The following STIM2 variants were observed in gnomAD, a reference collection of about 807,000 sequenced individuals.
STIM2 encodes the protein stromal interaction molecule 2.
STIM2 carries 31 observed loss-of-function variants against 85.8 expected under a neutral mutation model. The ratio of observed to expected loss-of-function variants is 0.36; its 90% CI spans 0.27 to 0.49. The LOEUF (loss-of-function observed/expected upper bound fraction) is 0.49. STIM2 is among the 20% of genes least tolerant of loss of function. STIM2 has a pLI of 0.98. For synonymous variants in STIM2, 356 were observed against 331.1 expected (o/e 1.08, Z -0.82); for missense variants, 841 against 927.6 (o/e 0.91, Z 1.21).
chr4:26,989,135 A>G (rs1317832220), intron 3 of STIM2, among the ~76,000 whole-genome samples: 2 of 152,168 alleles, frequency 1.3e-5, no homozygotes, highest in African/African-American at 2.4e-5. Flanking sequence ...GGGTTTTGCC[A>G]TGTTGGCCAG....
intron 7 of STIM2, among the ~76,000 whole-genome samples, chr4:27,005,601 C>G (rs1728307535): frequency 2.6e-5 from 4 of 152,240 alleles, no homozygotes; most frequent in Admixed American, 2.6e-4. Context: ...GTTCATTCCC[C>G]TGTAAACAAC....
chr4:26,955,513 C>G (rs2109091917), intron 2 of STIM2, among the ~76,000 whole-genome samples: 1 of 148,074 alleles, frequency 6.8e-6, no homozygotes, highest in South Asian at 2.1e-4. Flanking sequence ...ATAGAGACAA[C>G]TTCTGAGCAT....
chr4:26,873,918 C>T (rs900916006), intron 1 of STIM2: 35 of 1,360,470 alleles, frequency 2.6e-5, no homozygotes, highest in Admixed American at 7.8e-5. Context: ...TGGACAGGGG[C>T]GCCTCCAGAC....
chr4:27,011,454 T>C (rs112329149), intron 10 of STIM2, among the ~76,000 whole-genome samples: 7 of 152,318 alleles, frequency 4.6e-5, no homozygotes, highest in African/African-American at 1.7e-4. Context: ...CTGTATTTCC[T>C]TGTGCATAAC....
chr4:27,020,280 A>G (rs182971033), intron 11 of STIM2, among the ~76,000 whole-genome samples: 1 of 152,240 alleles, frequency 6.6e-6, no homozygotes, highest in African/African-American at 2.4e-5. Context: ...TCAGCTTCTG[A>G]CTTTGGAAGC....
At chr4:26,987,098 A>G (rs181753593) in intron 3 of STIM2, among the ~76,000 whole-genome samples, 67 of 152,320 alleles carry the variant, frequency 4.4e-4, no homozygotes, top group African/African-American at 1.6e-3. Context: ...GGATGTACCT[A>G]TGCATGACTC....
intron 3 of STIM2, among the ~76,000 whole-genome samples, chr4:26,990,042 C>T (rs992225070): frequency 6.6e-6 from 1 of 151,942 alleles, no homozygotes; most frequent in Admixed American, 6.6e-5. Context: ...AAGTGATCTA[C>T]AGATTTAATA....
In STIM2 at chr4:26,930,475, G is replaced by GT. The variant is rs34169234; in HGVS notation, c.282+10850dup. ...CCACCTGGAATAGGTAGTTTTAGAG[G>GT]TTTTTTTTTATCAGTTTGTTTGATA... On this transcript the variant is annotated intron_variant, in intron 2 of 11. Coordinates refer to ENST00000467087, the MANE Select transcript of STIM2 (RefSeq NM_020860.4). Among the ~76,000 whole-genome samples, 88 of 151,224 alleles carry GT rather than the reference G, an allele frequency of 5.8e-4. 1 individual carries two copies. Among genetic ancestry groups the GT allele is most frequent in the South Asian group, 1.9e-3 (9 of 4,800 alleles).
At position 26,861,063 on chromosome 4, in the gene STIM2, T is replaced by C. The variant is rs1365608614; in HGVS notation, c.-156T>C. On this transcript the variant is annotated 5_prime_UTR_variant, in exon 1 of 12. Transcript: ENST00000467087. ...GAGGCGGCGGGGGCGGCCGGAGGAG[T>C]CGCCGGCGGCGGTGGTGGCGCCTCG... 18 of 1,178,412 alleles carry C rather than the reference T, an allele frequency of 1.5e-5. No individual in the cohort carries two copies. Among genetic ancestry groups the C allele is most frequent in the African/African-American group, 5.0e-5 (3 of 60,180 alleles). The allele number at this position is 1,178,412 out of a possible 1,614,324, so 73.0% of individuals were successfully genotyped here. A position where few individuals can be genotyped will look rare whatever the true frequency, so the allele number is the denominator to read the frequency against.
rs139666670 is a variant in STIM2, at chr4:26,917,730, C to T, written c.152-1774C>T. 1.8e-3 allele frequency among the ~76,000 whole-genome samples: 271 copies of T among 152,184 alleles called. 1 individual carries two copies. Among genetic ancestry groups the T allele is most frequent in the Non-Finnish European group, 2.5e-3 (172 of 67,978 alleles). Reference sequence around the variant, plus strand: ...TTTAACCAGAGTGAGAGATGCTGGCCCTTTCCTTATATACCAGTTGGAATG... The same window carrying T: ...TTTAACCAGAGTGAGAGATGCTGGCTCTTTCCTTATATACCAGTTGGAATG... On this transcript the variant is annotated intron_variant, in intron 1 of 11. Coordinates refer to ENST00000467087, the MANE Select transcript of STIM2 (RefSeq NM_020860.4).
chr4:26,994,756 C>A (rs1038120647), intron 3 of STIM2, among the ~76,000 whole-genome samples: 1 of 152,062 alleles, frequency 6.6e-6, no homozygotes, highest in Admixed American at 6.6e-5. Flanking sequence ...CTTTTCCTCT[C>A]TTTGGGATAT....
In STIM2 at chr4:27,024,673, T is replaced by C. The variant is rs1729026556; in HGVS notation, c.*1677T>C. The stretch of plus-strand genomic sequence containing the variant: ...TGAGTTCTGTAAGGGCAAAAACGGA[T>C]TGAAATGAACATAGCGTTTTGCACT... On this transcript the variant is annotated 3_prime_UTR_variant, in exon 12 of 12. Coordinates refer to ENST00000467087, the MANE Select transcript of STIM2 (RefSeq NM_020860.4). The C allele has an allele frequency of 2.6e-5, 4 of 152,178 alleles. No homozygotes were observed. Among genetic ancestry groups the C allele is most frequent in the Admixed American group, 2.6e-4 (4 of 15,276 alleles). The allele number at this position is 152,178 out of a possible 1,614,324, so 9.4% of individuals were successfully genotyped here.
chr4:26,861,051 C>T lies in STIM2; in HGVS notation c.-168C>T. 1 of 1,180,030 alleles carries T rather than the reference C, an allele frequency of 8.5e-7. No homozygotes were observed. Among genetic ancestry groups the T allele is most frequent in the Non-Finnish European group, 1.0e-6 (1 of 956,116 alleles). The allele number at this position is 1,180,030 out of a possible 1,614,324, so 73.1% of individuals were successfully genotyped here. A position where few individuals can be genotyped will look rare whatever the true frequency, so the allele number is the denominator to read the frequency against. On this transcript the variant is annotated 5_prime_UTR_variant, in exon 1 of 12. Coordinates refer to ENST00000467087, the MANE Select transcript of STIM2 (RefSeq NM_020860.4). ...GAGCCCGTGTCTGAGGCGGCGGGGG[C>T]GGCCGGAGGAGTCGCCGGCGGCGGT...
chr4:26,947,242 A>G (rs116127847), intron 2 of STIM2, among the ~76,000 whole-genome samples: 2,022 of 152,262 alleles, frequency 0.013, 36 homozygotes, highest in African/African-American at 0.046. Context: ...TCTCTGTTTT[A>G]TTAGAGAGAA....
At chr4:26,861,625 A>G (rs1236224304) in intron 1 of STIM2, 10 of 368,534 alleles carry the variant, frequency 2.7e-5, no homozygotes, top group Non-Finnish European at 4.1e-5. Context: ...CGATCTTCCA[A>G]GCTGAGCAAT....
At chr4:26,952,671 C>T (rs999350520) in intron 2 of STIM2, among the ~76,000 whole-genome samples, 1 of 152,054 alleles carries the variant, frequency 6.6e-6, no homozygotes, top group African/African-American at 2.4e-5. Context: ...CTCTCAAACA[C>T]TGTGCTATCT....
At chr4:26,888,171 T>C (rs1031096417) in intron 1 of STIM2, among the ~76,000 whole-genome samples, 1 of 152,234 alleles carries the variant, frequency 6.6e-6, no homozygotes, top group African/African-American at 2.4e-5. Flanking sequence ...TTTAGACAAG[T>C]TGATACATAA....
Position 26,999,305 on chromosome 4 carries a change from C to A in STIM2, c.583C>A (p.Gln195Lys). Residue 195 changes from glutamine to lysine, a missense_variant, in exon 5 of 12, where the codon CAG becomes AAG. By Grantham distance (53) the Gln-to-Lys change is moderately conservative (BLOSUM62 1). Coordinates refer to ENST00000467087, the MANE Select transcript of STIM2 (RefSeq NM_020860.4). ...TGACCGGAGTCACAGACAAAAACTT[C>A]AGCTCAAGGCATTGGATGTGGTTTT... is the stretch of plus-strand genomic sequence containing the variant. The A allele has an allele frequency of 6.2e-7, 1 of 1,609,704 alleles. No individual in the cohort carries two copies. The highest frequency in any genetic ancestry group is 8.5e-7 in the Non-Finnish European group (1 of 1,177,894).
At chr4:27,015,680 C>T (rs759120814) in intron 10 of STIM2, among the ~76,000 whole-genome samples, 41 of 151,594 alleles carry the variant, frequency 2.7e-4, no homozygotes, top group African/African-American at 1.2e-4. Context: ...CAACTTGGTT[C>T]GGGTTCTTTT....
Sources: allele counts gnomAD v4.1 joint callset (sites outside exome capture counted in the v4.1 genomes callset), GRCh38; gene constraint gnomAD v4.1.1; transcripts MANE v1.5; gene names NCBI Gene and HGNC (gene_info 2026-07-23, HGNC 2026-07-21).